Variants in PRKG1 observed in about 807,000 individuals in gnomAD.
The protein encoded by PRKG1 is cGMP-dependent protein kinase 1.
A neutral mutation model predicts 88.1 loss-of-function variants in PRKG1; 35 were observed. That is an observed-to-expected ratio of 0.40 (90% CI 0.30 to 0.53). The LOEUF (loss-of-function observed/expected upper bound fraction) is 0.53. Among genes scored for constraint, PRKG1 ranks in the 20% least tolerant of loss-of-function variants. The pLI, the probability that PRKG1 is intolerant of heterozygous loss-of-function variation, is 0.59. For synonymous variants in PRKG1, 303 were observed against 292.5 expected (o/e 1.04, Z -0.37); for missense variants, 540 against 839.8 (o/e 0.64, Z 4.41).
chr10:51,106,541 A>G (rs775055610), intron 1 of PRKG1, among the ~76,000 whole-genome samples: 3 of 152,126 alleles, frequency 2.0e-5, no homozygotes, highest in Non-Finnish European at 2.9e-5. Context: ...CCTTTCTTAG[A>G]GGGGAAAAGT....
At chr10:51,556,544 A>C (rs1174125273) in intron 3 of PRKG1, among the ~76,000 whole-genome samples, 1 of 152,060 alleles carries the variant, frequency 6.6e-6, no homozygotes, top group African/African-American at 2.4e-5. Flanking sequence ...ACAGAATACT[A>C]TATAGCCATG....
chr10:52,181,444 T>TA (rs1420717821), intron 9 of PRKG1, among the ~76,000 whole-genome samples: 4 of 134,524 alleles, frequency 3.0e-5, no homozygotes, highest in East Asian at 2.0e-4. Context: ...TTTTTTTTTT[T>TA]AATTATACTT....
At chr10:51,835,966 C>T (rs1384722953) in intron 4 of PRKG1, among the ~76,000 whole-genome samples, 1 of 152,114 alleles carries the variant, frequency 6.6e-6, no homozygotes, top group African/African-American at 2.4e-5. Flanking sequence ...TTTTAATTTT[C>T]ATTTCTCTGT....
intron 2 of PRKG1, among the ~76,000 whole-genome samples, chr10:51,389,998 A>G (rs1247541078): frequency 6.6e-6 from 1 of 152,216 alleles, no homozygotes; most frequent in East Asian, 1.9e-4. Flanking sequence ...ATCTGGCAGA[A>G]TGTCATCCCT....
At chr10:51,320,334 G>C (rs1380924938) in intron 2 of PRKG1, 2 of 167,422 alleles carry the variant, frequency 1.2e-5, no homozygotes, top group African/African-American at 4.8e-5. Context: ...ATAACAACCT[G>C]ATCTTGCAGC....
intron 4 of PRKG1, among the ~76,000 whole-genome samples, chr10:51,875,024 T>G (rs1841258751): frequency 6.6e-6 from 1 of 152,162 alleles, no homozygotes; most frequent in Non-Finnish European, 1.5e-5. Flanking sequence ...TCAAAAGTGG[T>G]AATTATCATA....
At chr10:51,842,028 C>G (rs1410820631) in intron 4 of PRKG1, among the ~76,000 whole-genome samples, 1 of 152,172 alleles carries the variant, frequency 6.6e-6, no homozygotes, top group Non-Finnish European at 1.5e-5. Flanking sequence ...GATTTCAAGG[C>G]AGATACTTCT....
intron 2 of PRKG1, among the ~76,000 whole-genome samples, chr10:51,409,605 C>A (rs1057275508): frequency 4.6e-5 from 7 of 151,772 alleles, no homozygotes; most frequent in Non-Finnish European, 8.8e-5. Context: ...GTCTGTAATA[C>A]CAACACGGGG....
At chr10:52,272,557 A>G in intron 12 of PRKG1, 76 bp downstream of exon 12, 2 of 946,498 alleles carry the variant, frequency 2.1e-6, no homozygotes, top group East Asian at 5.2e-5. Flanking sequence ...AGTTAATATG[A>G]TAAAGTATAA....
intron 5 of PRKG1, among the ~76,000 whole-genome samples, chr10:51,921,036 C>T (rs11000132): frequency 0.13 from 20,172 of 151,850 alleles, 1,546 homozygotes; most frequent in Admixed American, 0.17. Flanking sequence ...TTGGGTTTTG[C>T]CCCCCAGAAT....
At chr10:51,553,959 T>C (rs984447461) in intron 3 of PRKG1, among the ~76,000 whole-genome samples, 2 of 133,654 alleles carry the variant, frequency 1.5e-5, no homozygotes, top group African/African-American at 5.8e-5. Flanking sequence ...ATAATATATG[T>C]ATGTATTAGA....
chr10:51,282,298 G>A (rs112161761), intron 2 of PRKG1, among the ~76,000 whole-genome samples: 401 of 152,266 alleles, frequency 2.6e-3, no homozygotes, highest in African/African-American at 9.3e-3. Flanking sequence ...GAAATTCTGT[G>A]AGACACATCT....
At chr10:52,219,497 A>G (rs1399277704) in intron 9 of PRKG1, among the ~76,000 whole-genome samples, 2 of 152,162 alleles carry the variant, frequency 1.3e-5, no homozygotes, top group Non-Finnish European at 1.5e-5. Flanking sequence ...CTCCTCCAAT[A>G]AGCTTTTATC....
intron 3 of PRKG1, among the ~76,000 whole-genome samples, chr10:51,595,919 C>G (rs10998417): frequency 0.32 from 47,875 of 151,862 alleles, 8,880 homozygotes; most frequent in Non-Finnish European, 0.42. Flanking sequence ...ACTGCAACCT[C>G]TGCCGGATTC....
chr10:51,032,786 G>T (rs1018201901), intron 1 of PRKG1, among the ~76,000 whole-genome samples: 1 of 151,938 alleles, frequency 6.6e-6, no homozygotes, highest in African/African-American at 2.4e-5. Flanking sequence ...TTATTTTGGG[G>T]TATGTGTATG....
intron 3 of PRKG1, among the ~76,000 whole-genome samples, chr10:51,541,392 G>A (rs1196773081): frequency 6.6e-6 from 1 of 152,130 alleles, no homozygotes; most frequent in African/African-American, 2.4e-5. Context: ...AGGGGTTAGG[G>A]ACCCCTGTGT....
chr10:51,328,441 G>A (rs1841648810), intron 2 of PRKG1, among the ~76,000 whole-genome samples: 1 of 152,174 alleles, frequency 6.6e-6, no homozygotes, highest in South Asian at 2.1e-4. Flanking sequence ...AATGAACACG[G>A]AAGTGCAAAT....
At chr10:51,035,485 C>A (rs1467053685) in intron 1 of PRKG1, among the ~76,000 whole-genome samples, 3 of 152,076 alleles carry the variant, frequency 2.0e-5, no homozygotes, top group Non-Finnish European at 4.4e-5. Context: ...GGTCAATAAC[C>A]TGGCTTTATT....
At chr10:52,147,424 A>G (rs982929090) in intron 8 of PRKG1, among the ~76,000 whole-genome samples, 5 of 152,198 alleles carry the variant, frequency 3.3e-5, no homozygotes, top group African/African-American at 4.8e-5. Flanking sequence ...CAATAGCCCC[A>G]TGGGACCAGA....
Sources: allele counts gnomAD v4.1 joint callset (sites outside exome capture counted in the v4.1 genomes callset), GRCh38; gene constraint gnomAD v4.1.1; transcripts MANE v1.5; gene names NCBI Gene and HGNC (gene_info 2026-07-23, HGNC 2026-07-21).